Variants in GLIS3 observed in about 807,000 individuals in gnomAD.
The protein encoded by GLIS3 is zinc finger protein GLIS3.
In GLIS3, 53 loss-of-function variants were observed where a neutral mutation model predicts 78.6. The observed-to-expected ratio is 0.67, with a 90% CI of 0.54 to 0.85. The LOEUF (loss-of-function observed/expected upper bound fraction) is 0.85, where lower values mean the gene tolerates loss of function less well. Ranked by LOEUF, GLIS3 falls within the 40% of genes least tolerant of loss-of-function variation. The pLI is 0.00. For missense variants in GLIS3, 1,703 were observed against 1,231.1 expected (o/e 1.38, Z -5.74); for synonymous variants, 684 against 509.9 (o/e 1.34, Z -4.60).
intron 2 of GLIS3, among the ~76,000 whole-genome samples, chr9:4,191,658 T>C (rs1048378937): frequency 5.9e-5 from 9 of 152,212 alleles, no homozygotes; most frequent in Admixed American, 4.6e-4. Context: ...CCTGGCCTTC[T>C]GCCTTACAGT....
At chr9:4,032,591 G>C (rs935322715) in intron 4 of GLIS3, among the ~76,000 whole-genome samples, 1 of 152,156 alleles carries the variant, frequency 6.6e-6, no homozygotes, top group African/African-American at 2.4e-5. Flanking sequence ...TAACAAATTT[G>C]AGTATTTCTA....
intron 6 of GLIS3, among the ~76,000 whole-genome samples, chr9:3,905,028 A>C (rs565697544): frequency 6.7e-6 from 1 of 148,944 alleles, no homozygotes; most frequent in Non-Finnish European, 1.5e-5. Flanking sequence ...GCCGGAGTGC[A>C]GTGGCGCGAT....
At chr9:4,139,996 G>A (rs1170753776) in intron 2 of GLIS3, among the ~76,000 whole-genome samples, 1 of 152,154 alleles carries the variant, frequency 6.6e-6, no homozygotes, top group East Asian at 1.9e-4. Context: ...GTATGTAAGA[G>A]CTGGTTCAGA....
intron 4 of GLIS3, chr9:4,071,803 G>T (rs1827635862): frequency 1.3e-5 from 2 of 152,208 alleles, no homozygotes; most frequent in South Asian, 4.2e-4. Flanking sequence ...AATTATTAAG[G>T]TGGTTTTATA....
intron 2 of GLIS3, among the ~76,000 whole-genome samples, chr9:4,153,505 A>G (rs1834834424): frequency 6.6e-6 from 1 of 152,194 alleles, no homozygotes; most frequent in Admixed American, 6.5e-5. Flanking sequence ...CAGAGGTTGC[A>G]GTGAGCTGAG....
chr9:4,448,291 G>C, the GLIS3 span, among the ~76,000 whole-genome samples: 1 of 152,116 alleles, frequency 6.6e-6, no homozygotes, highest in African/African-American at 2.4e-5. Flanking sequence ...TGAGAACCTA[G>C]AGGCAAATCT....
intron 4 of GLIS3, among the ~76,000 whole-genome samples, chr9:4,089,959 G>A (rs1186578935): frequency 6.6e-6 from 1 of 152,214 alleles, no homozygotes; most frequent in Non-Finnish European, 1.5e-5. Context: ...GCCTCCCACT[G>A]TGTGCCATGC....
intron 2 of GLIS3, among the ~76,000 whole-genome samples, chr9:4,154,710 T>C (rs1343483934): frequency 6.6e-6 from 1 of 152,204 alleles, no homozygotes; most frequent in East Asian, 1.9e-4. Flanking sequence ...GCCAGTAGAT[T>C]GAGTTGAGAG....
At chr9:3,948,962 A>G (rs575159234) in intron 4 of GLIS3, among the ~76,000 whole-genome samples, 127 of 152,334 alleles carry the variant, frequency 8.3e-4, no homozygotes, top group Middle Eastern at 6.8e-3. Flanking sequence ...TTCTCATTTT[A>G]CAAGTAAAGG....
the GLIS3 span, among the ~76,000 whole-genome samples, chr9:4,377,437 G>A: frequency 7.4e-6 from 1 of 135,494 alleles, no homozygotes; most frequent in African/African-American, 2.6e-5. Context: ...CAGGCCTTTG[G>A]CCACAGCCTT....
At chr9:4,111,533 G>A (rs1264938872) in intron 4 of GLIS3, among the ~76,000 whole-genome samples, 2 of 152,252 alleles carry the variant, frequency 1.3e-5, no homozygotes, top group Admixed American at 1.3e-4. Context: ...CTGTGTTTTG[G>A]GATATGAAAT....
At chr9:4,036,440 T>C (rs1264502998) in intron 4 of GLIS3, among the ~76,000 whole-genome samples, 2 of 152,072 alleles carry the variant, frequency 1.3e-5, no homozygotes, top group African/African-American at 2.4e-5. Context: ...TTTTGAAAAA[T>C]GATTGACAAC....
the GLIS3 span, among the ~76,000 whole-genome samples, chr9:4,441,740 G>T: frequency 6.6e-6 from 1 of 152,014 alleles, no homozygotes; most frequent in Admixed American, 6.6e-5. Context: ...CAAAGTAGCT[G>T]GGATTGCAGG....
intron 2 of GLIS3, among the ~76,000 whole-genome samples, chr9:4,236,184 CAAAAAAAAA>C (rs59839951): frequency 1.1e-4 from 9 of 84,306 alleles, no homozygotes; most frequent in African/African-American, 3.9e-4. Context: ...GTGGTTGTCA[CAAAAAAAAA>C]AAAAAAAAAA....
chr9:4,259,793 G>A (rs1158334749), intron 2 of GLIS3, among the ~76,000 whole-genome samples: 1 of 152,144 alleles, frequency 6.6e-6, no homozygotes. Context: ...TATCCCAATT[G>A]CTGGCTTTTG....
intron 2 of GLIS3, among the ~76,000 whole-genome samples, chr9:4,250,035 G>C (rs1352636853): frequency 6.6e-6 from 1 of 152,156 alleles, no homozygotes; most frequent in Non-Finnish European, 1.5e-5. Flanking sequence ...ATTTTATTGA[G>C]GATCTTTGCA....
intron 4 of GLIS3, among the ~76,000 whole-genome samples, chr9:4,101,135 C>G (rs1158325342): frequency 6.6e-6 from 1 of 152,224 alleles, no homozygotes; most frequent in Non-Finnish European, 1.5e-5. Flanking sequence ...CCAGTACTTA[C>G]TGGTGTATGA....
chr9:4,206,465 C>T (rs1402146202), intron 2 of GLIS3, among the ~76,000 whole-genome samples: 8 of 152,188 alleles, frequency 5.3e-5, no homozygotes, highest in African/African-American at 1.9e-4. Context: ...ACTCAGACGC[C>T]TATTAGCAGA....
At chr9:4,481,277 A>G in the GLIS3 span, among the ~76,000 whole-genome samples, 1 of 152,130 alleles carries the variant, frequency 6.6e-6, no homozygotes, top group Non-Finnish European at 1.5e-5. Flanking sequence ...TGGGGTCAGG[A>G]GTTCAAGACC....
Sources: gnomAD v4.1 joint callset for allele counts (sites outside exome capture counted in the v4.1 genomes callset) on GRCh38, gnomAD v4.1.1 for gene constraint, MANE v1.5 for transcripts, NCBI Gene and HGNC (gene_info 2026-07-23, HGNC 2026-07-21) for gene names.